ANKRD29: variants seen among roughly 807,000 people sequenced by gnomAD.
The protein encoded by ANKRD29 is ankyrin repeat domain 29.
Under a neutral mutation model 38.0 loss-of-function variants are expected in ANKRD29, and 32 were observed. The observed-to-expected ratio is 0.84, with a 90% CI of 0.64 to 1.13. The LOEUF is 1.13. ANKRD29 is among the 50% of genes most tolerant of loss of function. ANKRD29 has a pLI of 0.00. For missense variants in ANKRD29, 357 were observed against 377.9 expected, an observed-to-expected ratio of 0.94 and a Z score of 0.46; for synonymous variants, 135 against 152.4, an observed-to-expected ratio of 0.89 and a Z score of 0.84.
intron 1 of ANKRD29, among the ~76,000 whole-genome samples, chr18:23,655,103 A>G (rs771731097): frequency 2.6e-5 from 4 of 152,216 alleles, no homozygotes; most frequent in African/African-American, 7.2e-5. Context: ...CTTTGTGCTA[A>G]GTATTTACAA....
At chr18:23,605,922 A>G (rs533225553) in intron 9 of ANKRD29, among the ~76,000 whole-genome samples, 2 of 151,072 alleles carry the variant, frequency 1.3e-5, no homozygotes, top group South Asian at 4.2e-4. Context: ...CTTAAGTACA[A>G]CTGGTATTTT....
intron 4 of ANKRD29, among the ~76,000 whole-genome samples, chr18:23,636,122 A>T (rs1173121899): frequency 6.6e-6 from 1 of 152,078 alleles, no homozygotes; most frequent in Non-Finnish European, 1.5e-5. Context: ...CTTATGGAGG[A>T]ACTGCTGTTA....
At chr18:23,649,032 C>T in intron 2 of ANKRD29, 51 bp downstream of exon 2, 1 of 1,485,546 alleles carries the variant, frequency 6.7e-7, no homozygotes. Context: ...GCTCCTGTGC[C>T]CACAGAGGGC....
intron 3 of ANKRD29, among the ~76,000 whole-genome samples, chr18:23,643,179 G>C (rs897891578): frequency 6.6e-6 from 1 of 152,140 alleles, no homozygotes; most frequent in African/African-American, 2.4e-5. Context: ...ACCCACATCA[G>C]GCTGTGCCCT....
In ANKRD29 at chr18:23,601,752, G is replaced by A. The variant is rs183834841; in HGVS notation, c.823-443C>T. ...TGTTGCAATCATGGCTCACTGCAGC[G>A]TTGACCTCCCCAGCTCAAATGATCC... On this transcript the variant is annotated intron_variant, in intron 9 of 9. Coordinates refer to ENST00000592179, the MANE Select transcript of ANKRD29 (RefSeq NM_173505.4). Among the ~76,000 whole-genome samples the A allele has an allele frequency of 9.4e-4, 141 of 150,344 alleles. 1 individual carries two copies. The highest frequency in any genetic ancestry group is 3.5e-3 in the Middle Eastern group (1 of 282).
chr18:23,651,155 G>A (rs2060205905), intron 1 of ANKRD29, among the ~76,000 whole-genome samples: 1 of 152,224 alleles, frequency 6.6e-6, no homozygotes, highest in African/African-American at 2.4e-5. Flanking sequence ...ACATACACAG[G>A]CGTACGCCCT....
At chr18:23,637,561 C>T (rs72886269) in intron 4 of ANKRD29, among the ~76,000 whole-genome samples, 3,033 of 152,020 alleles carry the variant, frequency 0.02, 48 homozygotes, top group South Asian at 0.091. Flanking sequence ...CCATGCCCAG[C>T]GAATCCTTTT....
chr18:23,631,050 C>T (rs991239016), intron 5 of ANKRD29, among the ~76,000 whole-genome samples: 1 of 151,462 alleles, frequency 6.6e-6, no homozygotes, highest in African/African-American at 2.4e-5. Flanking sequence ...ACCCTTTTCT[C>T]TTTCTTGTCC....
intron 6 of ANKRD29, among the ~76,000 whole-genome samples, chr18:23,621,470 G>A (rs2059796627): frequency 8.3e-6 from 1 of 119,764 alleles, no homozygotes; most frequent in Admixed American, 8.0e-5. Flanking sequence ...CAGTGGAAGA[G>A]GTGCTGAAAC....
intron 3 of ANKRD29, among the ~76,000 whole-genome samples, chr18:23,645,026 TG>T (rs1355821170): frequency 6.6e-6 from 1 of 152,318 alleles, no homozygotes; most frequent in East Asian, 1.9e-4. Flanking sequence ...TACGATATAC[TG>T]GCTTGATGAA....
intron 9 of ANKRD29, among the ~76,000 whole-genome samples, chr18:23,603,546 T>A (rs1040451431): frequency 6.6e-6 from 1 of 152,168 alleles, no homozygotes; most frequent in African/African-American, 2.4e-5. Flanking sequence ...GGCAGGAGAA[T>A]CCCTTGAACC....
chr18:23,638,352 G>GT (rs1324619930), intron 4 of ANKRD29, among the ~76,000 whole-genome samples: 1 of 152,058 alleles, frequency 6.6e-6, no homozygotes, highest in Non-Finnish European at 1.5e-5. Flanking sequence ...TATGTAAACT[G>GT]TAGCTATGTA....
At chr18:23,607,407 A>G (rs1038976471) in intron 9 of ANKRD29, among the ~76,000 whole-genome samples, 2 of 152,158 alleles carry the variant, frequency 1.3e-5, no homozygotes, top group African/African-American at 2.4e-5. Flanking sequence ...AGCTGTCTAC[A>G]TCAGTGGCTG....
chr18:23,661,406 T>C (rs1397063629), intron 1 of ANKRD29, among the ~76,000 whole-genome samples: 1 of 152,192 alleles, frequency 6.6e-6, no homozygotes, highest in Non-Finnish European at 1.5e-5. Flanking sequence ...ATTATGCCGA[T>C]TTAAAACTTT....
chr18:23,637,607 A>C (rs558586691), intron 4 of ANKRD29, among the ~76,000 whole-genome samples: 1 of 152,056 alleles, frequency 6.6e-6, no homozygotes, highest in South Asian at 2.1e-4. Flanking sequence ...TTTGTTGCCC[A>C]GGCTGGTCTT....
rs565756227 is a variant in ANKRD29 at position 23,647,605 on chromosome 18, C to T, written c.133-1318G>A. 7.9e-5 allele frequency: 12 copies of T among 152,238 alleles called. No homozygotes were observed. The East Asian group carries it at 1.5e-3, about 20-fold the overall frequency. The allele number at this position is 152,238 out of a possible 1,614,324, so 9.4% of individuals were successfully genotyped here. A position where few individuals can be genotyped will look rare whatever the true frequency, so the allele number is the denominator to read the frequency against. ...CACGATCTCAGCTCACTGCAACCCC[C>T]GCCTCCCAGGTTCAAGTGATTCTCT... On this transcript the variant is annotated intron_variant, in intron 2 of 9. Transcript: ENST00000592179.
In ANKRD29 at chr18:23,658,500, C is replaced by T. The variant is rs183459723; in HGVS notation, c.21+4210G>A. On this transcript the variant is annotated intron_variant, in intron 1 of 9. Transcript: ENST00000592179. ...GGGATGAATCATACCTTGAGTCTTA[C>T]CCAATATCTGATTTAGATAGTTAGA... Among the ~76,000 whole-genome samples, 3 of 152,304 alleles carry T rather than the reference C, an allele frequency of 2.0e-5. No homozygotes were observed. In the East Asian group the frequency reaches 5.8e-4, roughly 29 times the overall value.
In ANKRD29 at chr18:23,636,580, A is replaced by T. The variant is rs561292325; in HGVS notation, c.330+2269T>A. Among the ~76,000 whole-genome samples, 106 of 151,542 alleles carry T rather than the reference A, an allele frequency of 7.0e-4. 2 individuals are homozygous for T. In the South Asian group the frequency reaches 7.3e-3, roughly 10 times the overall value. ...CCCACCTGGCCTCTTTGATTTAATT[A>T]AAAAAATTTTTTTTAGACAGGGTTT... On this transcript the variant is annotated intron_variant, in intron 4 of 9. Transcript: ENST00000592179.
At chr18:23,632,529 G>GTA (rs1319966480) in intron 5 of ANKRD29, among the ~76,000 whole-genome samples, 4,351 of 68,044 alleles carry the variant, frequency 0.064, 313 homozygotes, top group African/African-American at 0.2. Context: ...GTGTGTGTGT[G>GTA]TGTGTATATA....
Sources: gnomAD v4.1 joint callset for allele counts (sites outside exome capture counted in the v4.1 genomes callset) on GRCh38, gnomAD v4.1.1 for gene constraint, MANE v1.5 for transcripts, NCBI Gene and HGNC (gene_info 2026-07-23, HGNC 2026-07-21) for gene names.